Variants in GRIN2B observed in about 807,000 individuals in gnomAD.
The protein encoded by GRIN2B is glutamate receptor ionotropic, NMDA 2B.
In GRIN2B, 5 loss-of-function variants were observed where a neutral mutation model predicts 114.5. The observed-to-expected ratio is 0.04, with a 90% CI of 0.02 to 0.09. GRIN2B has a LOEUF of 0.09. Among genes scored for constraint, GRIN2B ranks in the 10% least tolerant of loss-of-function variants. GRIN2B has a pLI of 1.00. For missense variants in GRIN2B, 1,108 were observed against 1,943.5 expected (o/e 0.57, Z 8.08); for synonymous variants, 787 against 745.1 (o/e 1.06, Z -0.92).
intron 3 of GRIN2B, among the ~76,000 whole-genome samples, chr12:13,815,344 A>G (rs1226514806): frequency 6.6e-6 from 1 of 152,122 alleles, no homozygotes; most frequent in Non-Finnish European, 1.5e-5. Context: ...TCAGTCCTGA[A>G]TTCAGTAAAG....
intron 5 of GRIN2B, among the ~76,000 whole-genome samples, chr12:13,636,622 A>G (rs188393183): frequency 7.0e-4 from 106 of 152,266 alleles, no homozygotes; most frequent in African/African-American, 2.4e-3. Context: ...GTTGAGAGAA[A>G]GAGAGAAATC....
chr12:13,719,366 A>C (rs77420699), intron 4 of GRIN2B, among the ~76,000 whole-genome samples: 4,669 of 152,142 alleles, frequency 0.031, 127 homozygotes, highest in African/African-American at 0.058. Flanking sequence ...CAGATTTATT[A>C]ATTAGATAAA....
intron 10 of GRIN2B, among the ~76,000 whole-genome samples, chr12:13,591,726 G>C (rs1378214238): frequency 2.6e-5 from 4 of 152,118 alleles, no homozygotes; most frequent in Non-Finnish European, 1.5e-5. Flanking sequence ...CATGAATGAG[G>C]GCCATGGTTG....
At chr12:13,859,047 G>C (rs1865710089) in intron 3 of GRIN2B, among the ~76,000 whole-genome samples, 1 of 152,184 alleles carries the variant, frequency 6.6e-6, no homozygotes, top group Non-Finnish European at 1.5e-5. Context: ...AGCACCAACT[G>C]TCTACCATGC....
chr12:13,720,075 G>A (rs932217910), intron 4 of GRIN2B, among the ~76,000 whole-genome samples: 12 of 151,976 alleles, frequency 7.9e-5, no homozygotes, highest in African/African-American at 1.9e-4. Flanking sequence ...GAAACAAAAC[G>A]GCAAACCAGA....
intron 3 of GRIN2B, among the ~76,000 whole-genome samples, chr12:13,762,249 C>T (rs1863693243): frequency 6.6e-6 from 1 of 152,148 alleles, no homozygotes; most frequent in African/African-American, 2.4e-5. Flanking sequence ...GTGATCCTCC[C>T]ACCTCGGCCT....
intron 5 of GRIN2B, among the ~76,000 whole-genome samples, chr12:13,674,583 G>A (rs1044581701): frequency 3.3e-5 from 5 of 152,044 alleles, no homozygotes; most frequent in Non-Finnish European, 5.9e-5. Flanking sequence ...ATTTCAAGAA[G>A]TTTATCTCTG....
At chr12:13,769,377 TG>T (rs1370059076) in intron 3 of GRIN2B, among the ~76,000 whole-genome samples, 1 of 152,182 alleles carries the variant, frequency 6.6e-6, no homozygotes, top group Non-Finnish European at 1.5e-5. Context: ...GGCTTTTTTT[TG>T]TCACACGGTT....
chr12:13,768,009 CAA>C (rs562531506), intron 3 of GRIN2B, among the ~76,000 whole-genome samples: 143 of 152,302 alleles, frequency 9.4e-4, no homozygotes, highest in African/African-American at 3.3e-3. Context: ...CACAGAAAGG[CAA>C]AGTTTCACCA....
chr12:13,776,091 C>A (rs1386522510), intron 3 of GRIN2B, among the ~76,000 whole-genome samples: 1 of 152,172 alleles, frequency 6.6e-6, no homozygotes. Context: ...GGATACTATG[C>A]AGCCATGAAA....
chr12:13,656,094 T>C (rs2136521785), intron 5 of GRIN2B, among the ~76,000 whole-genome samples: 1 of 152,276 alleles, frequency 6.6e-6, no homozygotes, highest in East Asian at 1.9e-4. Context: ...TCAATCTCCT[T>C]CCTTGGAGAA....
At chr12:13,757,092 T>C (rs536643823) in intron 3 of GRIN2B, among the ~76,000 whole-genome samples, 2 of 152,336 alleles carry the variant, frequency 1.3e-5, no homozygotes, top group South Asian at 2.1e-4. Context: ...TCTGCTCCGA[T>C]TGATGCCCAG....
intron 2 of GRIN2B, among the ~76,000 whole-genome samples, chr12:13,894,253 T>C (rs1316157490): frequency 6.6e-6 from 1 of 152,096 alleles, no homozygotes; most frequent in East Asian, 1.9e-4. Flanking sequence ...TAATGTAAAA[T>C]ACAGGCAGAA....
intron 3 of GRIN2B, among the ~76,000 whole-genome samples, chr12:13,817,849 T>A (rs1298597980): frequency 1.3e-5 from 2 of 152,196 alleles, no homozygotes; most frequent in Non-Finnish European, 2.9e-5. Context: ...CCTGTCTACC[T>A]TGCTGAGTAC....
At chr12:13,677,003 C>T (rs1228295634) in intron 4 of GRIN2B, among the ~76,000 whole-genome samples, 1 of 152,158 alleles carries the variant, frequency 6.6e-6, no homozygotes, top group African/African-American at 2.4e-5. Context: ...CCACCCTTTT[C>T]CCCTCTGGCT....
At chr12:13,884,956 G>T (rs1189605369) in intron 2 of GRIN2B, among the ~76,000 whole-genome samples, 1 of 152,086 alleles carries the variant, frequency 6.6e-6, no homozygotes, top group African/African-American at 2.4e-5. Flanking sequence ...CACATGTAGT[G>T]GTTATTTTGG....
In GRIN2B at chr12:13,547,981, A is replaced by ATATATATATTTTTTTTTTTTTTTTTTTTT; in HGVS notation, c.*14801_*14802insAAAAAAAAAAAAAAAAAAAAATATATATA. ...TGTGTATATATATATATATATATAT[A>ATATATATATTTTTTTTTTTTTTTTTTTTT]TTTTTTTTTTTTTTCTGAAAGCTAC... On this transcript the variant is annotated 3_prime_UTR_variant, in exon 14 of 14. Transcript: ENST00000609686. 8.7e-5 allele frequency: 6 copies of ATATATATATTTTTTTTTTTTTTTTTTTTT among 68,572 alleles called. No homozygotes were observed. The highest frequency in any genetic ancestry group is 1.7e-4 in the Non-Finnish European group (6 of 34,404). 4.2% of individuals were successfully genotyped at this position (68,572 alleles called of 1,614,324 possible).
At chr12:13,591,010 G>C (rs1482359945) in intron 10 of GRIN2B, among the ~76,000 whole-genome samples, 1 of 152,198 alleles carries the variant, frequency 6.6e-6, no homozygotes, top group Non-Finnish European at 1.5e-5. Context: ...GCTGCAAAGA[G>C]GTACTAGGCA....
chr12:13,647,355 C>G (rs1949770521), intron 5 of GRIN2B, among the ~76,000 whole-genome samples: 2 of 151,990 alleles, frequency 1.3e-5, no homozygotes, highest in Admixed American at 1.3e-4. Flanking sequence ...GTCACACAAC[C>G]CATAAAGCAA....
Sources: gnomAD v4.1 joint callset for allele counts (sites outside exome capture counted in the v4.1 genomes callset) on GRCh38, gnomAD v4.1.1 for gene constraint, MANE v1.5 for transcripts, NCBI Gene and HGNC (gene_info 2026-07-23, HGNC 2026-07-21) for gene names.